Variants in MAD2L1BP observed in about 807,000 individuals in gnomAD.
The protein encoded by MAD2L1BP is MAD2L1-binding protein.
Under a neutral mutation model 28.4 loss-of-function variants are expected in MAD2L1BP, and 22 were observed. The observed-to-expected ratio is 0.77, with a 90% CI of 0.55 to 1.10. MAD2L1BP has a LOEUF of 1.10. Among genes scored for constraint, MAD2L1BP ranks in the 50% least tolerant of loss-of-function variants. MAD2L1BP has a pLI of 0.00. For synonymous variants in MAD2L1BP, 146 were observed against 133.7 expected (o/e 1.09, Z -0.63); for missense variants, 325 against 350.5 (o/e 0.93, Z 0.58).
At chr6:43,639,286 T>TGTG (rs1770435078) in intron 2 of MAD2L1BP, among the ~76,000 whole-genome samples, 1 of 152,004 alleles carries the variant, frequency 6.6e-6, no homozygotes. Flanking sequence ...ACTACAGGCA[T>TGTG]CCACCACCAC....
upstream of MAD2L1BP, chr6:43,633,278 T>C (rs1013732855): frequency 1.3e-5 from 5 of 394,128 alleles, no homozygotes; most frequent in African/African-American, 1.1e-4. Flanking sequence ...GTTCAAGGGA[T>C]TCTCCTGCCT....
intron 2 of MAD2L1BP, among the ~76,000 whole-genome samples, chr6:43,637,823 T>G (rs1230169239): frequency 6.6e-6 from 1 of 152,110 alleles, no homozygotes; most frequent in Non-Finnish European, 1.5e-5. Context: ...GGTCTTGAAC[T>G]CCTGACCTCA....
chr6:43,629,789 A>G, intron 1 of MAD2L1BP: 1 of 1,564,022 alleles, frequency 6.4e-7, no homozygotes, highest in East Asian at 2.4e-5. Flanking sequence ...GGCGAACGCC[A>G]GGGCGGAGGC....
chr6:43,639,281 A>G (rs1223095006), intron 2 of MAD2L1BP, among the ~76,000 whole-genome samples: 1 of 152,056 alleles, frequency 6.6e-6, no homozygotes, highest in Non-Finnish European at 1.5e-5. Flanking sequence ...CTGGGACTAC[A>G]GGCATCCACC....
At position 43,640,897 on chromosome 6, in the gene MAD2L1BP, T is replaced by C. The variant is rs1006599164; in HGVS notation, c.*364T>C. Reference sequence around the variant, plus strand: ...ATTTTTACCAGGAACATAATGTGGATGTGACTTATGAACTTAAATATAAAA... The same window carrying C: ...ATTTTTACCAGGAACATAATGTGGACGTGACTTATGAACTTAAATATAAAA... On this transcript the variant is annotated 3_prime_UTR_variant, in exon 3 of 3. Transcript: ENST00000372171. The C allele has an allele frequency of 8.8e-6, 2 of 227,650 alleles. No individual in the cohort carries two copies. Among genetic ancestry groups the C allele is most frequent in the Non-Finnish European group, 1.7e-5 (2 of 116,098 alleles). 14.1% of individuals were successfully genotyped at this position (227,650 alleles called of 1,614,324 possible).
At chr6:43,629,654 T>A (rs1769770890) in exon 1 of MAD2L1BP, 1 of 1,337,280 alleles carries the variant, frequency 7.5e-7, no homozygotes, top group Admixed American at 2.0e-5. Flanking sequence ...TTAGCGCGGA[T>A]CCTAGACAAC....
At position 43,640,903 on chromosome 6, in the gene MAD2L1BP, T is replaced by TTATGAAC. The variant is rs1770523303; in HGVS notation, c.*372_*378dup. 4.5e-6 allele frequency: 1 copy of TTATGAAC among 222,184 alleles called. No individual in the cohort carries two copies. Among genetic ancestry groups the TTATGAAC allele is most frequent in the African/African-American group, 2.2e-5 (1 of 44,446 alleles). 13.8% of individuals were successfully genotyped at this position (222,184 alleles called of 1,614,324 possible). The stretch of plus-strand genomic sequence containing the variant: ...ACCAGGAACATAATGTGGATGTGAC[T>TTATGAAC]TATGAACTTAAATATAAAATAAATA... On this transcript the variant is annotated 3_prime_UTR_variant, in exon 3 of 3. Coordinates refer to ENST00000372171, the MANE Select transcript of MAD2L1BP (RefSeq NM_014628.3).
chr6:43,639,524 T>G (rs1770452138), intron 2 of MAD2L1BP, among the ~76,000 whole-genome samples: 1 of 152,264 alleles, frequency 6.6e-6, no homozygotes, highest in South Asian at 2.1e-4. Context: ...CTTGGGAGTT[T>G]TCTTTGTCAG....
At chr6:43,635,954 T>C in intron 1 of MAD2L1BP, 33 bp downstream of exon 1, 5 of 1,533,170 alleles carry the variant, frequency 3.3e-6, no homozygotes, top group Middle Eastern at 1.9e-4. Context: ...TGGGGAGCCT[T>C]GGGGACTTGT....
intron 1 of MAD2L1BP, among the ~76,000 whole-genome samples, chr6:43,630,806 G>A (rs1464206025): frequency 6.7e-6 from 1 of 148,380 alleles, no homozygotes; most frequent in African/African-American, 2.5e-5. Flanking sequence ...CTGCTCGGGA[G>A]ACTGAGGCAG....
chr6:43,629,857 A>C, intron 1 of MAD2L1BP: 1 of 1,449,638 alleles, frequency 6.9e-7, no homozygotes, highest in Non-Finnish European at 9.3e-7. Flanking sequence ...CTACCTTTAC[A>C]TAGTAGTCAC....
intron 2 of MAD2L1BP, among the ~76,000 whole-genome samples, chr6:43,639,502 C>T (rs1770450720): frequency 6.6e-6 from 1 of 152,202 alleles, no homozygotes; most frequent in South Asian, 2.1e-4. Context: ...GTGTAGTTTC[C>T]AGTTCTTTCC....
rs1770521651 is a variant in MAD2L1BP at position 43,640,896 on chromosome 6, A to G, written c.*363A>G. 2 of 227,726 alleles carry G rather than the reference A, an allele frequency of 8.8e-6. No homozygotes were observed. The highest frequency in any genetic ancestry group is 1.8e-4 in the South Asian group (1 of 5,522). The allele number at this position is 227,726 out of a possible 1,614,324, so 14.1% of individuals were successfully genotyped here. A position where few individuals can be genotyped will look rare whatever the true frequency, so the allele number is the denominator to read the frequency against. On this transcript the variant is annotated 3_prime_UTR_variant, in exon 3 of 3. Transcript: ENST00000372171. ...AATTTTTACCAGGAACATAATGTGG[A>G]TGTGACTTATGAACTTAAATATAAA... is the stretch of plus-strand genomic sequence containing the variant.
At chr6:43,634,454 C>T (rs1419069232), upstream of MAD2L1BP, among the ~76,000 whole-genome samples, 1 of 152,242 alleles carries the variant, frequency 6.6e-6, no homozygotes, top group East Asian at 1.9e-4. Flanking sequence ...GTATTGAACT[C>T]CTGGCCTCGG....
intron 2 of MAD2L1BP, 123 bp downstream of exon 2, chr6:43,636,769 G>C (rs1770248327): frequency 1.7e-6 from 2 of 1,157,188 alleles, no homozygotes; most frequent in Admixed American, 2.3e-5. Context: ...CCAGGGCTTC[G>C]GTCACTTTCT....
intron 2 of MAD2L1BP, among the ~76,000 whole-genome samples, chr6:43,638,352 T>A (rs1170134216): frequency 1.3e-5 from 2 of 152,048 alleles, no homozygotes; most frequent in African/African-American, 2.4e-5. Context: ...GCCATGAACT[T>A]CTTTTGCCTG....
intron 2 of MAD2L1BP, among the ~76,000 whole-genome samples, chr6:43,638,513 T>C (rs1479850625): frequency 6.6e-6 from 1 of 151,036 alleles, no homozygotes; most frequent in Non-Finnish European, 1.5e-5. Context: ...TAAGAATAAA[T>C]TGGCCGGGCG....
upstream of MAD2L1BP, among the ~76,000 whole-genome samples, chr6:43,631,587 A>G (rs1245170056): frequency 1.3e-5 from 2 of 152,146 alleles, no homozygotes; most frequent in Non-Finnish European, 2.9e-5. Flanking sequence ...CTGCTCAAGC[A>G]GATCCTCCCA....
intron 1 of MAD2L1BP, 115 bp downstream of exon 1, chr6:43,636,036 C>T: frequency 2.7e-6 from 3 of 1,096,384 alleles, no homozygotes; most frequent in Non-Finnish European, 4.0e-6. Context: ...CCCTGTCTTC[C>T]GGGTGTCCTA....
Sources: allele counts gnomAD v4.1 joint callset (sites outside exome capture counted in the v4.1 genomes callset), GRCh38; gene constraint gnomAD v4.1.1; transcripts MANE v1.5; gene names NCBI Gene and HGNC (gene_info 2026-07-23, HGNC 2026-07-21).